Variants in ABLIM1 observed in about 807,000 individuals in gnomAD.
ABLIM1 encodes actin binding LIM protein 1, also known as actin-binding LIM protein 1.
ABLIM1 carries 40 observed loss-of-function variants against 107.0 expected under a neutral mutation model. The ratio of observed to expected loss-of-function variants is 0.37; its 90% CI spans 0.29 to 0.49. The LOEUF is 0.49. ABLIM1 is among the 20% of genes least tolerant of loss of function. The probability of loss-of-function intolerance (pLI) is 0.97; values close to 1 mark genes in which losing one functional copy is unlikely to be tolerated. For missense variants in ABLIM1, 857 were observed against 1,008.5 expected (o/e 0.85, Z 2.04); for synonymous variants, 357 against 357.3 (o/e 1.00, Z 0.01).
At chr10:114,538,516 C>T (rs74865240) in intron 6 of ABLIM1, among the ~76,000 whole-genome samples, 10,731 of 152,166 alleles carry the variant, frequency 0.071, 604 homozygotes, top group African/African-American at 0.16. Flanking sequence ...CATCACTGCA[C>T]GTTCCCAGAG....
chr10:114,622,425 G>A (rs913165217), intron 1 of ABLIM1, among the ~76,000 whole-genome samples: 5 of 151,282 alleles, frequency 3.3e-5, no homozygotes, highest in South Asian at 2.1e-4. Context: ...AATTTTTGTC[G>A]GGGGATGGGG....
chr10:114,473,033 C>T lies in ABLIM1; in HGVS notation c.1219G>A (p.Glu407Lys), dbSNP rs780803689. The T allele has an allele frequency of 6.2e-7, 1 of 1,613,046 alleles. No individual in the cohort carries two copies. Among genetic ancestry groups the T allele is most frequent in the Non-Finnish European group, 8.5e-7 (1 of 1,179,468 alleles). Reference sequence around the variant, plus strand: ...TCATAGCCCGAAGTGTAGAAAGGCTCATAGGTAATAAGATCTGGACGTTCA... The same window carrying T: ...TCATAGCCCGAAGTGTAGAAAGGCTTATAGGTAATAAGATCTGGACGTTCA... ...DIERPDLITY[E>K]PFYTSGYDDK... The change falls in exon 10 of 23, where the codon GAG becomes AAG. Residue 407 changes from glutamate to lysine, a missense_variant. This residue lies in a region of ABLIM1 where 381 missense variants were observed against 506.9 expected (regional missense o/e 0.75). Coordinates refer to ENST00000533213, the MANE Select transcript of ABLIM1 (RefSeq NM_002313.7).
intron 6 of ABLIM1, among the ~76,000 whole-genome samples, chr10:114,536,249 T>G (rs2066008266): frequency 1.1e-5 from 1 of 93,912 alleles, no homozygotes; most frequent in Non-Finnish European, 2.1e-5. Flanking sequence ...TTTTTTTTTT[T>G]TTTTTTTTTT....
intron 6 of ABLIM1, among the ~76,000 whole-genome samples, chr10:114,533,166 C>T (rs903804572): frequency 6.6e-6 from 1 of 151,980 alleles, no homozygotes; most frequent in African/African-American, 2.4e-5. Flanking sequence ...ATGGTGAAAT[C>T]CCATCTCTAG....
chr10:114,748,901 G>A (rs931377548), intron 1 of ABLIM1, among the ~76,000 whole-genome samples: 3 of 151,964 alleles, frequency 2.0e-5, no homozygotes, highest in Non-Finnish European at 4.4e-5. Flanking sequence ...TCAAACTCCT[G>A]GCTTCAAGCG....
chr10:114,687,559 C>G (rs562984610), upstream of ABLIM1, among the ~76,000 whole-genome samples: 8 of 152,290 alleles, frequency 5.3e-5, no homozygotes, highest in Non-Finnish European at 1.0e-4. Flanking sequence ...AACACAGATG[C>G]TGCTGTGTTC....
chr10:114,611,811 C>T (rs1442747042), intron 1 of ABLIM1, among the ~76,000 whole-genome samples: 2 of 152,178 alleles, frequency 1.3e-5, no homozygotes, highest in East Asian at 1.9e-4. Flanking sequence ...CTCCTAAAAG[C>T]ATGACTCCTT....
Position 114,465,792 on chromosome 10 carries a change from C to G in ABLIM1, c.1347G>C (p.Arg449=). ...YQDVRDRMIH[R]STSQGSINSP... is the part of the protein sequence containing the mutation. ...AGTTGATGGAGCCCTGGCTCGTGGA[C>G]CGATGGATCATCCGATCCCGAACAT... is the stretch of plus-strand genomic sequence containing the variant. Residue 449 remains arginine, a synonymous_variant, in exon 12 of 23, where the codon CGG becomes CGC. Transcript: ENST00000533213. The G allele has an allele frequency of 6.2e-7, 1 of 1,614,034 alleles. No homozygotes were observed. The highest frequency in any genetic ancestry group is 8.5e-7 in the Non-Finnish European group (1 of 1,179,998).
chr10:114,528,704 A>G (rs2065136638), intron 6 of ABLIM1, among the ~76,000 whole-genome samples: 1 of 152,194 alleles, frequency 6.6e-6, no homozygotes, highest in South Asian at 2.1e-4. Context: ...GAGGCCTGAG[A>G]ATCCATACTT....
At chr10:114,476,412 C>T (rs1186937368) in intron 8 of ABLIM1, among the ~76,000 whole-genome samples, 3 of 151,972 alleles carry the variant, frequency 2.0e-5, no homozygotes, top group African/African-American at 7.3e-5. Context: ...GAGGCCGAGG[C>T]GGGTGGATCA....
At chr10:114,698,114 G>T (rs538281375) in intron 1 of ABLIM1, among the ~76,000 whole-genome samples, 1 of 151,788 alleles carries the variant, frequency 6.6e-6, no homozygotes, top group Non-Finnish European at 1.5e-5. Flanking sequence ...GCACAAAATT[G>T]GACCAAGATG....
intron 1 of ABLIM1, among the ~76,000 whole-genome samples, chr10:114,617,894 G>T (rs377456188): frequency 6.6e-6 from 1 of 152,042 alleles, no homozygotes; most frequent in African/African-American, 2.4e-5. Context: ...CAGTAGGATC[G>T]CTTGAGCTCA....
intron 6 of ABLIM1, chr10:114,527,039 T>C (rs1299478272): frequency 3.2e-5 from 29 of 918,040 alleles, no homozygotes; most frequent in Non-Finnish European, 3.5e-5. Flanking sequence ...GGTAGGAAAG[T>C]ACCATTTCTT....
intron 6 of ABLIM1, among the ~76,000 whole-genome samples, chr10:114,526,036 T>C (rs1368639799): frequency 6.6e-6 from 1 of 152,214 alleles, no homozygotes; most frequent in Non-Finnish European, 1.5e-5. Context: ...AGATTTCTTT[T>C]ACTGCATATC....
chr10:114,610,451 A>G (rs1479488791), intron 1 of ABLIM1, among the ~76,000 whole-genome samples: 2 of 152,110 alleles, frequency 1.3e-5, no homozygotes, highest in Non-Finnish European at 2.9e-5. Flanking sequence ...TACCTAGAAT[A>G]TTTTCTCTGC....
chr10:114,512,855 A>AAAGAAGGAAG (rs2062102761), intron 6 of ABLIM1, among the ~76,000 whole-genome samples: 1 of 51,258 alleles, frequency 2.0e-5, no homozygotes, highest in Non-Finnish European at 3.9e-5. Context: ...AAGGAAGGAA[A>AAAGAAGGAAG]GAAGGAAGGA....
chr10:114,596,060 C>A (rs529569894), intron 2 of ABLIM1, among the ~76,000 whole-genome samples: 2 of 152,188 alleles, frequency 1.3e-5, no homozygotes, highest in African/African-American at 4.8e-5. Flanking sequence ...TCTACCCAGG[C>A]AGCTCAGCTG....
chr10:114,685,641 C>G (rs994484717), upstream of ABLIM1, among the ~76,000 whole-genome samples: 1 of 152,170 alleles, frequency 6.6e-6, no homozygotes, highest in Non-Finnish European at 1.5e-5. Flanking sequence ...GCACCAGGCG[C>G]CAGACAAAGA....
chr10:114,780,267 C>T, the ABLIM1 span, among the ~76,000 whole-genome samples: 1 of 152,158 alleles, frequency 6.6e-6, no homozygotes, highest in Non-Finnish European at 1.5e-5. Flanking sequence ...GAAGGTGAAA[C>T]TTTCTGTGGG....
Sources: allele counts gnomAD v4.1 joint callset (sites outside exome capture counted in the v4.1 genomes callset), GRCh38; gene constraint gnomAD v4.1.1; regional missense constraint gnomAD v4.1.1; transcripts MANE v1.5; gene names NCBI Gene and HGNC (gene_info 2026-07-23, HGNC 2026-07-21).